The following SYK variants were observed in gnomAD, a reference collection of about 807,000 sequenced individuals.
SYK encodes spleen associated tyrosine kinase.
In SYK, 16 loss-of-function variants were observed where a neutral mutation model predicts 77.8. That is an observed-to-expected ratio of 0.21 (90% confidence interval 0.14 to 0.31). The LOEUF (loss-of-function observed/expected upper bound fraction) is 0.31, where lower values mean the gene tolerates loss of function less well. Among genes scored for constraint, SYK ranks in the 10% least tolerant of loss-of-function variants. SYK has a pLI of 1.00. For synonymous variants in SYK, 312 were observed against 308.7 expected, an observed-to-expected ratio of 1.01 and a Z score of -0.11; for missense variants, 529 against 814.4, an observed-to-expected ratio of 0.65 and a Z score of 4.26.
chr9:90,849,969 C>T (rs1456828192), intron 3 of SYK, among the ~76,000 whole-genome samples: 2 of 152,258 alleles, frequency 1.3e-5, no homozygotes, highest in Non-Finnish European at 2.9e-5. Flanking sequence ...CAGTAACATA[C>T]ACTGAAGGTC....
chr9:90,830,875 A>G (rs368323115), intron 1 of SYK, among the ~76,000 whole-genome samples: 10 of 152,050 alleles, frequency 6.6e-5, no homozygotes, highest in Admixed American at 4.6e-4. Flanking sequence ...GTGAGCCACC[A>G]CACCCGGCCT....
At chr9:90,876,566 C>A (rs4744518) in intron 9 of SYK, among the ~76,000 whole-genome samples, 27,168 of 152,082 alleles carry the variant, frequency 0.18, 2,791 homozygotes, top group Admixed American at 0.3. Flanking sequence ...TGTATTAATC[C>A]TAAGCTTTTT....
rs567062031 is a variant in SYK, at chr9:90,828,230, C to T, written c.-41-15628C>T. On this transcript the variant is annotated intron_variant, in intron 1 of 13. Coordinates refer to ENST00000375754, the MANE Select transcript of SYK (RefSeq NM_003177.7). Reference sequence around the variant, plus strand: ...GTCATTGCAGTCTGCTGTGGCCTCACCCCCGCCCCCCCCCCCGCCCCGCCC... The same window carrying T: ...GTCATTGCAGTCTGCTGTGGCCTCATCCCCGCCCCCCCCCCCGCCCCGCCC... 4.4e-3 allele frequency among the ~76,000 whole-genome samples: 96 copies of T among 21,750 alleles called. 4 individuals carry two copies. Among genetic ancestry groups the T allele is most frequent in the Non-Finnish European group, 8.1e-3 (79 of 9,808 alleles). The allele number at this position is 21,750 out of a possible 152,430, so 14.3% of individuals were successfully genotyped here.
intron 3 of SYK, among the ~76,000 whole-genome samples, chr9:90,850,356 C>T (rs1311100898): frequency 1.3e-5 from 2 of 152,070 alleles, no homozygotes; most frequent in Non-Finnish European, 2.9e-5. Context: ...TCTCTACTAA[C>T]AGTATAAAAA....
At chr9:90,830,524 A>C (rs1401405095) in intron 1 of SYK, among the ~76,000 whole-genome samples, 2 of 150,988 alleles carry the variant, frequency 1.3e-5, no homozygotes, top group Non-Finnish European at 2.9e-5. Flanking sequence ...GTAATTAATC[A>C]GCCAGTCCCT....
intron 1 of SYK, among the ~76,000 whole-genome samples, chr9:90,830,798 G>A (rs941259857): frequency 1.3e-5 from 2 of 151,916 alleles, no homozygotes; most frequent in African/African-American, 4.8e-5. Flanking sequence ...TGTTAGCCAG[G>A]ATGGTCTCAA....
chr9:90,892,768 C>T (rs958087968), intron 13 of SYK, among the ~76,000 whole-genome samples: 1 of 152,198 alleles, frequency 6.6e-6, no homozygotes, highest in East Asian at 1.9e-4. Context: ...TCCTGAAAAA[C>T]GGTTTCCTAA....
At chr9:90,870,459 C>T (rs561146246) in intron 7 of SYK, among the ~76,000 whole-genome samples, 16 of 152,220 alleles carry the variant, frequency 1.1e-4, no homozygotes, top group African/African-American at 3.4e-4. Context: ...TATTTTAAAA[C>T]TTACATTTAA....
At chr9:90,839,726 G>A (rs1826223918) in intron 1 of SYK, among the ~76,000 whole-genome samples, 1 of 152,168 alleles carries the variant, frequency 6.6e-6, no homozygotes, top group Non-Finnish European at 1.5e-5. Flanking sequence ...CTGCTGTTCT[G>A]CAACTACATA....
intron 1 of SYK, among the ~76,000 whole-genome samples, chr9:90,817,919 G>A (rs1054222793): frequency 2.6e-5 from 4 of 151,870 alleles, no homozygotes; most frequent in Non-Finnish European, 4.4e-5. Flanking sequence ...GGGTGAAAGA[G>A]AGAGAATGAA....
chr9:90,835,594 G>T (rs1826046166), intron 1 of SYK, among the ~76,000 whole-genome samples: 1 of 152,222 alleles, frequency 6.6e-6, no homozygotes, highest in South Asian at 2.1e-4. Flanking sequence ...GGAAATGGAG[G>T]AGGAGAGATG....
intron 1 of SYK, among the ~76,000 whole-genome samples, chr9:90,826,572 C>A (rs1328512722): frequency 6.6e-6 from 1 of 152,246 alleles, no homozygotes; most frequent in Admixed American, 6.5e-5. Flanking sequence ...AGGCTCCTAA[C>A]CCCACCCCAG....
chr9:90,811,971 C>T (rs906627668), intron 1 of SYK, among the ~76,000 whole-genome samples: 5 of 150,830 alleles, frequency 3.3e-5, no homozygotes, highest in Non-Finnish European at 7.4e-5. Flanking sequence ...AAATCTCCCA[C>T]ATGCACATAA....
At chr9:90,813,223 C>T (rs1427763090) in intron 1 of SYK, among the ~76,000 whole-genome samples, 1 of 152,098 alleles carries the variant, frequency 6.6e-6, no homozygotes, top group Admixed American at 6.5e-5. Context: ...TGTGGGTTGG[C>T]TTCTGGGCCT....
rs1166942576 is a variant in SYK at position 90,828,603 on chromosome 9, G to A, written c.-41-15255G>A. On this transcript the variant is annotated intron_variant, in intron 1 of 13. Transcript: ENST00000375754. ...CTTCTGCTCAAAAGAGCATGCAAGG[G>A]ACATTGCTAAGTGGCAATTTTGGTT... Among the ~76,000 whole-genome samples, 4 of 152,236 alleles carry A rather than the reference G, an allele frequency of 2.6e-5. No homozygotes were observed. In the East Asian group the frequency reaches 7.7e-4, roughly 29 times the overall value.
intron 1 of SYK, among the ~76,000 whole-genome samples, chr9:90,841,605 C>T (rs1223023035): frequency 2.2e-5 from 3 of 135,402 alleles, no homozygotes; most frequent in African/African-American, 5.6e-5. Context: ...TGGTGTGTTT[C>T]GTGTGTGTTT....
At chr9:90,874,879 C>G (rs201574058) in intron 9 of SYK, 30 bp downstream of exon 9, 33 of 1,611,640 alleles carry the variant, frequency 2.0e-5, no homozygotes, top group Non-Finnish European at 2.8e-5. Flanking sequence ...CAGCCTCACC[C>G]TCACATGAGC....
At chr9:90,893,411 A>AT (rs1828870367) in intron 13 of SYK, among the ~76,000 whole-genome samples, 1 of 151,674 alleles carries the variant, frequency 6.6e-6, no homozygotes, top group Non-Finnish European at 1.5e-5. Flanking sequence ...TTGTTTTTTC[A>AT]TTTTTTCCTC....
chr9:90,885,535 G>T (rs981595967), intron 11 of SYK, among the ~76,000 whole-genome samples: 1 of 152,146 alleles, frequency 6.6e-6, no homozygotes, highest in Non-Finnish European at 1.5e-5. Context: ...GATATATGGG[G>T]CAGTGTAAAG....
Sources: allele counts gnomAD v4.1 joint callset (sites outside exome capture counted in the v4.1 genomes callset), GRCh38; gene constraint gnomAD v4.1.1; transcripts MANE v1.5; gene names NCBI Gene and HGNC (gene_info 2026-07-23, HGNC 2026-07-21).